PDE4D: variants seen among roughly 807,000 people sequenced by gnomAD.
PDE4D encodes the protein phosphodiesterase 4D.
In PDE4D, 24 loss-of-function variants were observed where a neutral mutation model predicts 87.4. The ratio of observed to expected loss-of-function variants is 0.27; its 90% CI spans 0.20 to 0.39. The LOEUF (loss-of-function observed/expected upper bound fraction) is 0.39. PDE4D is among the 10% of genes least tolerant of loss of function. PDE4D has a pLI of 1.00. For synonymous variants in PDE4D, 384 were observed against 383.2 expected (o/e 1.00, Z -0.02); for missense variants, 714 against 1,041.0 (o/e 0.69, Z 4.32).
chr5:59,743,020 C>T (rs1378290242), intron 1 of PDE4D, among the ~76,000 whole-genome samples: 1 of 152,134 alleles, frequency 6.6e-6, no homozygotes, highest in Non-Finnish European at 1.5e-5. Flanking sequence ...AATCATTACA[C>T]CAGTAGGTGT....
At chr5:59,177,787 C>G (rs1162303798) in intron 5 of PDE4D, among the ~76,000 whole-genome samples, 2 of 152,234 alleles carry the variant, frequency 1.3e-5, no homozygotes, top group South Asian at 2.1e-4. Flanking sequence ...GACCTTATTC[C>G]TATGTTGAGG....
Position 59,762,329 on chromosome 5 carries a change from C to CGTATATGT in PDE4D, c.455+130838_455+130839insACATATAC, listed in dbSNP as rs1221152045. Among the ~76,000 whole-genome samples, 819 of 120,266 alleles carry CGTATATGT rather than the reference C, an allele frequency of 6.8e-3. 44 individuals are homozygous for CGTATATGT. The highest frequency in any genetic ancestry group is 0.021 in the African/African-American group (549 of 26,766). 78.9% of individuals were successfully genotyped at this position (120,266 alleles called of 152,430 possible). A position where few individuals can be genotyped will look rare whatever the true frequency, so the allele number is the denominator to read the frequency against. On this transcript the variant is annotated intron_variant, in intron 1 of 14. Transcript: ENST00000340635. ...ATATGCGTATATGGGTACACATATG[C>CGTATATGT]GTATATGGGTACACATATGCATATA... is the stretch of plus-strand genomic sequence containing the variant.
At position 59,198,674 on chromosome 5, in the gene PDE4D, C is replaced by CT. The variant is rs1192566914; in HGVS notation, c.648-5139dup. 2.6e-5 allele frequency among the ~76,000 whole-genome samples: 4 copies of CT among 151,854 alleles called. No individual in the cohort carries two copies. In the East Asian group the frequency reaches 5.8e-4, roughly 22 times the overall value. ...ACAGGGCTCAACAGTATACTATTGT[C>CT]TTTTTTTTTCTCACAAGAGAAATGA... On this transcript the variant is annotated intron_variant, in intron 2 of 14. Coordinates refer to ENST00000340635, the MANE Select transcript of PDE4D (RefSeq NM_001104631.2).
At chr5:59,176,253 C>T (rs771050573) in intron 5 of PDE4D, among the ~76,000 whole-genome samples, 1 of 152,018 alleles carries the variant, frequency 6.6e-6, no homozygotes, top group Non-Finnish European at 1.5e-5. Context: ...AACCCTAATG[C>T]TATAAAATCA....
intron 1 of PDE4D, chr5:59,275,790 C>A (rs982547046): frequency 4.0e-6 from 4 of 991,552 alleles, no homozygotes; most frequent in Admixed American, 6.0e-5. Context: ...AGGTTTCTGA[C>A]ACTCGAAGAG....
At chr5:59,491,704 C>T (rs930587726) in intron 1 of PDE4D, among the ~76,000 whole-genome samples, 1 of 152,112 alleles carries the variant, frequency 6.6e-6, no homozygotes. Context: ...TCAAAAGAAT[C>T]ATGAATACCT....
intron 1 of PDE4D, among the ~76,000 whole-genome samples, chr5:59,740,018 A>G (rs1243128762): frequency 6.6e-6 from 1 of 152,212 alleles, no homozygotes; most frequent in East Asian, 1.9e-4. Context: ...ATTGCATTAT[A>G]AAATATTTTC....
intron 1 of PDE4D, among the ~76,000 whole-genome samples, chr5:60,213,846 C>A (rs1464566788): frequency 1.3e-5 from 2 of 152,086 alleles, no homozygotes; most frequent in African/African-American, 2.4e-5. Context: ...ACTCGTCCAG[C>A]GAGATTAGGT....
intron 1 of PDE4D, among the ~76,000 whole-genome samples, chr5:59,718,409 T>A (rs1755336375): frequency 6.6e-6 from 1 of 152,198 alleles, no homozygotes; most frequent in Non-Finnish European, 1.5e-5. Flanking sequence ...CCTTAATTTT[T>A]AAAACACTCT....
chr5:60,110,399 CA>C (rs1777550859), intron 2 of PDE4D, among the ~76,000 whole-genome samples: 1 of 151,860 alleles, frequency 6.6e-6, no homozygotes, highest in Non-Finnish European at 1.5e-5. Context: ...TGCAAATGGC[CA>C]ACAGGTATAT....
chr5:59,768,742 A>C, intron 1 of PDE4D: 3 of 997,638 alleles, frequency 3.0e-6, no homozygotes, highest in Non-Finnish European at 2.8e-6. Flanking sequence ...GCCAAAGATC[A>C]CTGACAAGCT....
intron 1 of PDE4D, among the ~76,000 whole-genome samples, chr5:59,338,540 G>A (rs771591857): frequency 2.6e-5 from 4 of 152,224 alleles, no homozygotes; most frequent in East Asian, 1.9e-4. Flanking sequence ...AGGCAGTGCC[G>A]AAAGACTGCA....
chr5:60,203,993 GC>G (rs1332134128), intron 1 of PDE4D, among the ~76,000 whole-genome samples: 2 of 152,164 alleles, frequency 1.3e-5, no homozygotes, highest in Non-Finnish European at 2.9e-5. Context: ...CCTGAAGTGA[GC>G]ATTAGTTTAC....
chr5:59,464,415 T>C (rs2153647897), intron 1 of PDE4D, among the ~76,000 whole-genome samples: 1 of 152,308 alleles, frequency 6.6e-6, no homozygotes, highest in East Asian at 1.9e-4. Flanking sequence ...TTGTAAAGCA[T>C]TGAGATGTTT....
intron 1 of PDE4D, among the ~76,000 whole-genome samples, chr5:59,455,497 G>A (rs1799778331): frequency 6.6e-6 from 1 of 152,244 alleles, no homozygotes; most frequent in Admixed American, 6.5e-5. Flanking sequence ...ATGCCAGGAT[G>A]CTCAGGCAAA....
intron 1 of PDE4D, among the ~76,000 whole-genome samples, chr5:59,628,965 C>G (rs1403237274): frequency 6.6e-6 from 1 of 152,074 alleles, no homozygotes; most frequent in Non-Finnish European, 1.5e-5. Flanking sequence ...CACATAGCAG[C>G]AGCAAGGAGA....
intron 6 of PDE4D, among the ~76,000 whole-genome samples, chr5:58,997,541 TGTA>T (rs1198351726): frequency 1.3e-5 from 2 of 152,160 alleles, no homozygotes; most frequent in African/African-American, 4.8e-5. Flanking sequence ...ACGAACCGAT[TGTA>T]AAATGCAGAA....
At position 60,385,610 on chromosome 5, in the gene PDE4D, G is replaced by A. The variant is rs567189781; in HGVS notation, c.-90+102332C>T. ...CAAGTGCCTCTGGTGCAGCCTGCAA[G>A]TCATTCCATGACCTGTGTCCTACTT... On this transcript the variant is annotated intron_variant, in intron 1 of 16. Transcript: ENST00000502484. Among the ~76,000 whole-genome samples the A allele has an allele frequency of 9.2e-5, 14 of 152,356 alleles. No homozygotes were observed. The South Asian group carries it at 2.9e-3, about 32-fold the overall frequency.
chr5:59,529,656 C>T (rs1012489396), intron 1 of PDE4D, among the ~76,000 whole-genome samples: 3 of 152,174 alleles, frequency 2.0e-5, no homozygotes. Context: ...CTTCTATCCT[C>T]TTCATCCCTC....
Sources: allele counts gnomAD v4.1 joint callset (sites outside exome capture counted in the v4.1 genomes callset), GRCh38; gene constraint gnomAD v4.1.1; transcripts MANE v1.5; gene names NCBI Gene and HGNC (gene_info 2026-07-23, HGNC 2026-07-21).